ASAP1: variants seen among roughly 807,000 people sequenced by gnomAD.
ASAP1 encodes ArfGAP with SH3 domain, ankyrin repeat and PH domain 1.
A neutral mutation model predicts 145.2 loss-of-function variants in ASAP1; 43 were observed. The ratio of observed to expected loss-of-function variants is 0.30; its 90% CI spans 0.23 to 0.38. The LOEUF (loss-of-function observed/expected upper bound fraction) is 0.38, where lower values mean the gene tolerates loss of function less well. Among genes scored for constraint, ASAP1 ranks in the 10% least tolerant of loss-of-function variants. ASAP1 has a pLI of 1.00. For synonymous variants in ASAP1, 546 were observed against 515.5 expected (o/e 1.06, Z -0.80); for missense variants, 1,018 against 1,355.3 (o/e 0.75, Z 3.91).
chr8:130,072,825 G>GCGCGCGCA (rs1554816409), intron 27 of ASAP1, among the ~76,000 whole-genome samples: 2,330 of 54,114 alleles, frequency 0.043, 243 homozygotes, highest in East Asian at 0.12. Flanking sequence ...GTGTGTGTGT[G>GCGCGCGCA]CGCGCGGGGG....
intron 24 of ASAP1, among the ~76,000 whole-genome samples, chr8:130,111,204 C>G (rs1206608350): frequency 1.8e-5 from 2 of 109,578 alleles, no homozygotes; most frequent in African/African-American, 6.6e-5. Flanking sequence ...AAGACCTCAT[C>G]TCTACCAAAA....
At chr8:130,262,416 A>AAAAAAAAG (rs1819974520) in intron 3 of ASAP1, among the ~76,000 whole-genome samples, 5 of 57,850 alleles carry the variant, frequency 8.6e-5, no homozygotes, top group East Asian at 7.3e-4. Context: ...AAAAAAAAAA[A>AAAAAAAAG]AGAGAGAGAG....
At chr8:130,079,869 C>T in intron 26 of ASAP1, 33 bp downstream of exon 26, 3 of 1,597,126 alleles carry the variant, frequency 1.9e-6, no homozygotes, top group Non-Finnish European at 2.6e-6. Flanking sequence ...TCAATGGATC[C>T]AACAGGGGAA....
At position 130,326,605 on chromosome 8, in the gene ASAP1, GAAT is replaced by G. The variant is rs1824349468; in HGVS notation, c.186+31409_186+31411del. 3.3e-5 allele frequency among the ~76,000 whole-genome samples: 5 copies of G among 152,212 alleles called. No individual in the cohort carries two copies. In the South Asian group the frequency reaches 1.0e-3, roughly 32 times the overall value. ...AACAGCTCGCTCCACGCTAGTCAAA[GAAT>G]ATTAACAGGGTGTCCATCCGGAGGC... On this transcript the variant is annotated intron_variant, in intron 3 of 29. Transcript: ENST00000518721.
intron 7 of ASAP1, among the ~76,000 whole-genome samples, chr8:130,182,836 A>C (rs1172492573): frequency 6.6e-6 from 1 of 150,454 alleles, no homozygotes. Context: ...AAAGGCAAAA[A>C]AAAAAAAAAA....
Position 130,251,399 on chromosome 8 carries a change from T to C in ASAP1, c.187-14405A>G, listed in dbSNP as rs569402880. 1.8e-4 allele frequency among the ~76,000 whole-genome samples: 28 copies of C among 152,252 alleles called. No homozygotes were observed. The South Asian group carries it at 2.3e-3, about 12-fold the overall frequency. On this transcript the variant is annotated intron_variant, in intron 3 of 29. Coordinates refer to ENST00000518721, the MANE Select transcript of ASAP1 (RefSeq NM_018482.4). Reference sequence around the variant, plus strand: ...AGCCACTGCTCTCAAGCCTGGGCGATAGAGTGAGACTCTGTCTTAAAATAA... The same window carrying C: ...AGCCACTGCTCTCAAGCCTGGGCGACAGAGTGAGACTCTGTCTTAAAATAA...
intron 2 of ASAP1, among the ~76,000 whole-genome samples, chr8:130,381,392 G>A (rs931765473): frequency 1.2e-4 from 19 of 152,106 alleles, no homozygotes; most frequent in African/African-American, 4.6e-4. Context: ...AACATGGATT[G>A]AAAGAAAAAT....
At position 130,441,749 on chromosome 8, in the gene ASAP1, A is replaced by T. The variant is rs981394282; in HGVS notation, c.-28+1711T>A. On this transcript the variant is annotated intron_variant, in intron 1 of 29. Transcript: ENST00000518721. ...GGACTGGGGAGGTGTAGAGAATTTC[A>T]ATTTCCCTCACCAAATGGCAAGCTT... Among the ~76,000 whole-genome samples the T allele has an allele frequency of 3.9e-5, 6 of 152,118 alleles. No homozygotes were observed. The South Asian group carries it at 6.2e-4, about 16-fold the overall frequency.
intron 13 of ASAP1, among the ~76,000 whole-genome samples, chr8:130,137,876 G>A (rs1221802222): frequency 6.6e-6 from 1 of 152,206 alleles, no homozygotes; most frequent in Non-Finnish European, 1.5e-5. Flanking sequence ...CTGGACAATG[G>A]CTGATACTAG....
chr8:130,393,572 A>G (rs1828383747), intron 2 of ASAP1, among the ~76,000 whole-genome samples: 1 of 152,224 alleles, frequency 6.6e-6, no homozygotes, highest in South Asian at 2.1e-4. Flanking sequence ...CCTGACCAAC[A>G]TGGTGAAACC....
At chr8:130,368,046 G>A (rs930876470) in intron 2 of ASAP1, among the ~76,000 whole-genome samples, 1 of 151,878 alleles carries the variant, frequency 6.6e-6, no homozygotes, top group Admixed American at 6.6e-5. Context: ...CACACTAGGG[G>A]CTCTAATTCA....
intron 26 of ASAP1, among the ~76,000 whole-genome samples, chr8:130,076,889 A>G (rs1347542190): frequency 1.3e-5 from 2 of 151,356 alleles, no homozygotes; most frequent in Non-Finnish European, 3.0e-5. Context: ...GAGGCACAGT[A>G]AAAGGATGAA....
intron 3 of ASAP1, among the ~76,000 whole-genome samples, chr8:130,243,718 C>T (rs993178249): frequency 1.3e-5 from 2 of 152,138 alleles, no homozygotes; most frequent in Non-Finnish European, 2.9e-5. Flanking sequence ...TCTAAACGGG[C>T]CTAGCTTGTA....
intron 3 of ASAP1, among the ~76,000 whole-genome samples, chr8:130,265,814 C>T (rs1820207837): frequency 6.6e-6 from 1 of 152,084 alleles, no homozygotes; most frequent in Non-Finnish European, 1.5e-5. Flanking sequence ...GAGGTCGAGG[C>T]TGAAGAGCCA....
intron 13 of ASAP1, among the ~76,000 whole-genome samples, chr8:130,137,570 T>C (rs1023790591): frequency 1.3e-5 from 2 of 152,138 alleles, no homozygotes; most frequent in Non-Finnish European, 2.9e-5. Flanking sequence ...CATCCCCAAA[T>C]TGATCTCCCA....
chr8:130,107,468 A>G (rs1271615145), intron 24 of ASAP1, among the ~76,000 whole-genome samples: 1 of 149,852 alleles, frequency 6.7e-6, no homozygotes, highest in Non-Finnish European at 1.5e-5. Context: ...TACAGGTGTG[A>G]GCCACCATGC....
chr8:130,159,896 T>C lies in ASAP1; in HGVS notation c.978A>G (p.Glu326=). ...QLQGNKEYGS[E]KKGYLLKKSD... is the part of the protein sequence containing the mutation. ...TTTTCTTTAGCAGGTACCCCTTCTT[T>C]TCACTGCCATATTCCTTATTGCCCT... The change falls in exon 12 of 30, where the codon GAA becomes GAG. Residue 326 remains glutamate (E), a synonymous_variant. Coordinates refer to ENST00000518721, the MANE Select transcript of ASAP1 (RefSeq NM_018482.4). 1 of 1,614,174 alleles carries C rather than the reference T, an allele frequency of 6.2e-7. No individual in the cohort carries two copies. Among genetic ancestry groups the C allele is most frequent in the East Asian group, 2.2e-5 (1 of 44,888 alleles).
At chr8:130,387,190 T>A (rs965741182) in intron 2 of ASAP1, among the ~76,000 whole-genome samples, 2 of 151,988 alleles carry the variant, frequency 1.3e-5, no homozygotes, top group Non-Finnish European at 2.9e-5. Flanking sequence ...ATCCTAACAC[T>A]CTGGATGACC....
Position 130,066,787 on chromosome 8 carries a change from G to A in ASAP1, c.2702-5718C>T, listed in dbSNP as rs139586744. 2.5e-3 allele frequency among the ~76,000 whole-genome samples: 374 copies of A among 152,296 alleles called. 2 individuals carry two copies. The highest frequency in any genetic ancestry group is 7.1e-3 in the South Asian group (34 of 4,822). Reference sequence around the variant, plus strand: ...CCCTCAGAGAACTTCCGTAAATTCAGAGGGCCATAAGAGTCCCACAGGTGT... The same window carrying A: ...CCCTCAGAGAACTTCCGTAAATTCAAAGGGCCATAAGAGTCCCACAGGTGT... On this transcript the variant is annotated intron_variant, in intron 27 of 29. Coordinates refer to ENST00000518721, the MANE Select transcript of ASAP1 (RefSeq NM_018482.4).
Sources: gnomAD v4.1 joint callset for allele counts (sites outside exome capture counted in the v4.1 genomes callset) on GRCh38, gnomAD v4.1.1 for gene constraint, MANE v1.5 for transcripts, NCBI Gene and HGNC (gene_info 2026-07-23, HGNC 2026-07-21) for gene names.